The following TMEM44 variants were observed in gnomAD, a reference collection of about 807,000 sequenced individuals.
The protein encoded by TMEM44 is transmembrane protein 44.
A neutral mutation model predicts 47.8 loss-of-function variants in TMEM44; 43 were observed. The observed-to-expected ratio is 0.90, with a 90% CI of 0.70 to 1.16. The LOEUF (loss-of-function observed/expected upper bound fraction) is 1.16. Ranked by LOEUF, TMEM44 falls within the 50% of genes most tolerant of loss-of-function variation. TMEM44 has a pLI of 0.00. For synonymous variants in TMEM44, 277 were observed against 238.8 expected, an observed-to-expected ratio of 1.16 and a Z score of -1.48; for missense variants, 568 against 555.2, an observed-to-expected ratio of 1.02 and a Z score of -0.23.
chr3:194,601,876 G>A (rs993164572), intron 9 of TMEM44, among the ~76,000 whole-genome samples: 2 of 152,196 alleles, frequency 1.3e-5, no homozygotes, highest in African/African-American at 4.8e-5. Flanking sequence ...AATTTTTCAA[G>A]TTCACCGTGC....
chr3:194,631,573 G>A (rs1261561574), intron 1 of TMEM44, among the ~76,000 whole-genome samples: 1 of 152,200 alleles, frequency 6.6e-6, no homozygotes, highest in Non-Finnish European at 1.5e-5. Flanking sequence ...TTAAATTGGA[G>A]ACTCCCAGAG....
Position 194,617,261 on chromosome 3 carries a change from C to A in TMEM44, c.621G>T (p.Gly207=). 1 of 1,534,136 alleles carries A rather than the reference C, an allele frequency of 6.5e-7. No homozygotes were observed. The highest frequency in any genetic ancestry group is 1.4e-5 in the African/African-American group (1 of 72,760). The change falls in exon 6 of 10, where the codon GGG becomes GGT. Residue 207 remains glycine (G), a synonymous_variant. Transcript: ENST00000347147. ...ACAGGTGGATGGAGGGAAATGTCTTCCCCCGGCACTGGGCAGAGAGAGGGA... is the reference window on the plus strand; with the variant it reads ...ACAGGTGGATGGAGGGAAATGTCTTACCCCGGCACTGGGCAGAGAGAGGGA... ...RIPPLSRICR[G]KTFPSIHLWT...
chr3:194,628,592 C>G, intron 1 of TMEM44, 83 bp from the exon 2 acceptor site: 37 of 1,463,300 alleles, frequency 2.5e-5, no homozygotes, highest in Non-Finnish European at 3.4e-5. Context: ...CAACTGTGAC[C>G]CCGCATCGTC....
intron 7 of TMEM44, among the ~76,000 whole-genome samples, chr3:194,612,191 A>T (rs1446845675): frequency 6.6e-6 from 1 of 152,202 alleles, no homozygotes; most frequent in African/African-American, 2.4e-5. Context: ...ACTGCTCTGA[A>T]GAACTGCTAG....
chr3:194,625,634 C>T (rs1012667298), intron 3 of TMEM44, among the ~76,000 whole-genome samples: 5 of 152,166 alleles, frequency 3.3e-5, no homozygotes, highest in African/African-American at 4.8e-5. Context: ...GCGCACGCCA[C>T]CACACCCGGC....
rs192367797 is a variant in TMEM44 at position 194,613,351 on chromosome 3, T to C, written c.912+2218A>G. 1.1e-3 allele frequency among the ~76,000 whole-genome samples: 170 copies of C among 151,358 alleles called. 1 individual carries two copies. The highest frequency in any genetic ancestry group is 3.8e-3 in the African/African-American group (157 of 41,210). On this transcript the variant is annotated intron_variant, in intron 7 of 9. Transcript: ENST00000347147. ...CGCCACCACGCCCAGCTGATTTTTG[T>C]ATTTTTAGTAGAGACGGAGTTTCAC...
At chr3:194,589,486 C>T (rs1689526993) in intron 9 of TMEM44, 1 of 152,224 alleles carries the variant, frequency 6.6e-6, no homozygotes, top group Non-Finnish European at 1.5e-5. Context: ...AGATGATGGG[C>T]TCCACGGGAA....
intron 5 of TMEM44, among the ~76,000 whole-genome samples, chr3:194,621,429 C>T (rs2108595612): frequency 6.6e-6 from 1 of 152,148 alleles, no homozygotes; most frequent in East Asian, 1.9e-4. Flanking sequence ...GGTCAGGGCA[C>T]GGTGCCAGCT....
At chr3:194,595,780 C>T (rs1713332730) in intron 9 of TMEM44, among the ~76,000 whole-genome samples, 1 of 152,114 alleles carries the variant, frequency 6.6e-6, no homozygotes, top group Non-Finnish European at 1.5e-5. Flanking sequence ...CGTGCGCCAC[C>T]ATGCCAGGCT....
At chr3:194,594,314 G>C (rs1220502845) in intron 9 of TMEM44, among the ~76,000 whole-genome samples, 5 of 151,690 alleles carry the variant, frequency 3.3e-5, no homozygotes, top group East Asian at 3.9e-4. Context: ...CAGGCGCCCA[G>C]GACCATGCCC....
At chr3:194,603,790 A>C (rs1714432961) in intron 9 of TMEM44, among the ~76,000 whole-genome samples, 1 of 152,104 alleles carries the variant, frequency 6.6e-6, no homozygotes, top group South Asian at 2.1e-4. Context: ...CCCTGCGACT[A>C]ATGTGACCGT....
intron 3 of TMEM44, among the ~76,000 whole-genome samples, chr3:194,625,694 A>G (rs572952592): frequency 6.6e-6 from 1 of 152,080 alleles, no homozygotes; most frequent in Non-Finnish European, 1.5e-5. Context: ...GTTGGCCAGG[A>G]TGGTCTGGAT....
At chr3:194,590,501 G>GC (rs984253181) in intron 9 of TMEM44, among the ~76,000 whole-genome samples, 10 of 152,174 alleles carry the variant, frequency 6.6e-5, no homozygotes, top group African/African-American at 1.9e-4. Context: ...AGCTCACCAG[G>GC]CCCCTCAGCC....
intron 1 of TMEM44, among the ~76,000 whole-genome samples, chr3:194,629,225 A>G (rs1717507255): frequency 6.6e-6 from 1 of 152,150 alleles, no homozygotes; most frequent in Non-Finnish European, 1.5e-5. Flanking sequence ...AATTGCCTGA[A>G]TTAAAAAGAC....
intron 7 of TMEM44, among the ~76,000 whole-genome samples, chr3:194,614,036 C>A (rs899075077): frequency 2.0e-5 from 3 of 151,942 alleles, no homozygotes; most frequent in Admixed American, 2.0e-4. Flanking sequence ...GCAGGAGAAT[C>A]GCTTGAACCC....
Position 194,587,720 on chromosome 3 carries a change from C to T in TMEM44, c.*809G>A, listed in dbSNP as rs1392361453. 6.6e-6 allele frequency: 1 copy of T among 152,244 alleles called. No individual in the cohort carries two copies. The highest frequency in any genetic ancestry group is 2.4e-5 in the African/African-American group (1 of 41,452). 9.4% of individuals were successfully genotyped at this position (152,244 alleles called of 1,614,324 possible). On this transcript the variant is annotated 3_prime_UTR_variant, in exon 10 of 10. Coordinates refer to ENST00000347147, the MANE Select transcript of TMEM44 (RefSeq NM_001011655.3). ...AATTTATTCACCCCAGTGTTCACTCCCACCTTAGCCCCATTCCATGCGCCC... is the reference window on the plus strand; with the variant it reads ...AATTTATTCACCCCAGTGTTCACTCTCACCTTAGCCCCATTCCATGCGCCC...
chr3:194,589,539 A>C (rs1390563524), intron 9 of TMEM44: 1 of 152,060 alleles, frequency 6.6e-6, no homozygotes, highest in Non-Finnish European at 1.5e-5. Flanking sequence ...TGTTTCCTCT[A>C]AACCTGAGGC....
At position 194,611,115 on chromosome 3, in the gene TMEM44, G is replaced by T; in HGVS notation, c.913-95C>A. 1.0e-6 allele frequency: 1 copy of T among 973,888 alleles called. No homozygotes were observed. The highest frequency in any genetic ancestry group is 1.6e-6 in the Non-Finnish European group (1 of 622,838). The allele number at this position is 973,888 out of a possible 1,614,324, so 60.3% of individuals were successfully genotyped here. A position where few individuals can be genotyped will look rare whatever the true frequency, so the allele number is the denominator to read the frequency against. ...TCACATTTTATTCAAAAGGACCCCC[G>T]TGGTATTTTCTCTCTCTCTTTTTTA... On this transcript the variant is annotated intron_variant, in intron 7 of 9. Coordinates refer to ENST00000347147, the MANE Select transcript of TMEM44 (RefSeq NM_001011655.3). This position sits in a 1 kb window ranked among gnomAD's most constrained non-coding sequence, Gnocchi z 4.2.
intron 1 of TMEM44, 169 bp downstream of exon 1, chr3:194,632,910 G>T: frequency 9.2e-7 from 1 of 1,088,278 alleles, no homozygotes; most frequent in Non-Finnish European, 1.2e-6. Context: ...GTGGGATCCG[G>T]AAAGAAGATC....
Sources: gnomAD v4.1 joint callset for allele counts (sites outside exome capture counted in the v4.1 genomes callset) on GRCh38, gnomAD v4.1.1 for gene constraint, Gnocchi (gnomAD v3.1) non-coding constraint, MANE v1.5 for transcripts, NCBI Gene and HGNC (gene_info 2026-07-23, HGNC 2026-07-21) for gene names.